The following SLC6A18 variants were observed in gnomAD, a reference collection of about 807,000 sequenced individuals.
SLC6A18 encodes inactive sodium-dependent neutral amino acid transporter B(0)AT3.
SLC6A18 carries 58 observed loss-of-function variants against 62.9 expected under a neutral mutation model. The observed-to-expected ratio is 0.92, with a 90% CI of 0.75 to 1.15. SLC6A18 has a LOEUF of 1.15. Among genes scored for constraint, SLC6A18 ranks in the 50% most tolerant of loss-of-function variants. The pLI is 0.00. For synonymous variants in SLC6A18, 382 were observed against 365.8 expected (o/e 1.04, Z -0.51); for missense variants, 793 against 836.6 (o/e 0.95, Z 0.64).
chr5:1,228,853 CAG>C (rs1746650553), intron 1 of SLC6A18, among the ~76,000 whole-genome samples: 1 of 152,220 alleles, frequency 6.6e-6, no homozygotes, highest in South Asian at 2.1e-4. Flanking sequence ...GCCTGGATGA[CAG>C]AGAAAGATGC....
rs75499032 is a variant in SLC6A18, at chr5:1,245,882, C to A, written c.1691C>A (p.Pro564Gln). The change falls in exon 12 of 12, where the codon CCG becomes CAG. Residue 564 changes from proline (P) to glutamine (Q), a missense_variant. Pro to Gln is a moderately conservative substitution (Grantham distance 76, BLOSUM62 -1). Coordinates refer to ENST00000324642, the MANE Select transcript of SLC6A18 (RefSeq NM_182632.3). ...LFPSRQEKLY[P>Q]GWARAACVLL... ...CCCTCGCGTCAGGAGAAGCTCTACC[C>A]GGGCTGGGCGCGCGCCGCCTGTGTG... The A allele has an allele frequency of 3.0e-3, 4,870 of 1,608,298 alleles. 129 individuals carry two copies. In the African/African-American group the frequency reaches 0.058, roughly 19 times the overall value.
At position 1,242,803 on chromosome 5, in the gene SLC6A18, G is replaced by A; in HGVS notation, c.1071G>A (p.Trp357Ter). ...PAVLMHLNAT[W>*]PKRVAQLPLK... Reference sequence around the variant, plus strand: ...TCCTCATGCACCTGAACGCCACCTGGCCCAAGAGGGTGGCCCAGCTCCCCC... The same window carrying A: ...TCCTCATGCACCTGAACGCCACCTGACCCAAGAGGGTGGCCCAGCTCCCCC... Residue 357 changes from tryptophan to a stop codon, truncating the protein, a stop_gained, in exon 8 of 12, where the codon TGG becomes TGA. Coordinates refer to ENST00000324642, the MANE Select transcript of SLC6A18 (RefSeq NM_182632.3). LOFTEE classifies it high-confidence loss of function. 1.2e-6 allele frequency: 2 copies of A among 1,613,898 alleles called. No individual in the cohort carries two copies. The highest frequency in any genetic ancestry group is 1.7e-6 in the Non-Finnish European group (2 of 1,179,862).
chr5:1,235,456 C>A (rs746637414), intron 3 of SLC6A18, 25 bp from the exon 4 acceptor site: 5 of 1,609,550 alleles, frequency 3.1e-6, no homozygotes, highest in Middle Eastern at 1.7e-4. Flanking sequence ...CCACAGCCAG[C>A]CTGTGACAGG....
rs1441025204 is a variant in SLC6A18 at position 1,235,618 on chromosome 5, G to GT, written c.578dup (p.Val194ArgfsTer10). 1 of 1,613,932 alleles carries GT rather than the reference G, an allele frequency of 6.2e-7. No individual in the cohort carries two copies. The highest frequency in any genetic ancestry group is 8.5e-7 in the Non-Finnish European group (1 of 1,180,042). Reference sequence around the variant, plus strand: ...CATCTGCTTGGCAGCCTCCTGGGCAGTCGTGTACATGTGTGTCATCAGGGG... The same window carrying GT: ...CATCTGCTTGGCAGCCTCCTGGGCAGTTCGTGTACATGTGTGTCATCAGGGG... On this transcript the variant is annotated frameshift_variant, in exon 4 of 12. Coordinates refer to ENST00000324642, the MANE Select transcript of SLC6A18 (RefSeq NM_182632.3). LOFTEE classifies it high-confidence loss of function.
rs769092943 is a variant in SLC6A18 at position 1,238,016 on chromosome 5, C to G, written c.688C>G (p.Leu230Val). Residue 230 changes from leucine (L) to valine (V), a missense_variant, in exon 5 of 12, where the codon CTG (leucine) becomes GTG (valine). Transcript: ENST00000324642. ...CATCTTTCTCATCAGAGGGCTGACC[C>G]TGCCAGGGGCAACAAAAGGACTCAT... Reference protein sequence around the residue: ...LTIFLIRGLTLPGATKGLIYL... With the variant: ...LTIFLIRGLTVPGATKGLIYL... 12 of 1,614,108 alleles carry G rather than the reference C, an allele frequency of 7.4e-6. No individual in the cohort carries two copies. The East Asian group carries it at 2.7e-4, about 36-fold the overall frequency.
intron 1 of SLC6A18, among the ~76,000 whole-genome samples, chr5:1,228,481 A>G (rs1746639142): frequency 6.6e-6 from 1 of 152,180 alleles, no homozygotes; most frequent in Non-Finnish European, 1.5e-5. Flanking sequence ...GCATTTGCTC[A>G]GTGGCTGCAC....
At chr5:1,233,749 A>ATTTTTTTTTTTTTTTTT (rs70957337) in intron 3 of SLC6A18, among the ~76,000 whole-genome samples, 1 of 138,634 alleles carries the variant, frequency 7.2e-6, no homozygotes, top group Non-Finnish European at 1.6e-5. Flanking sequence ...CACTCAGCTA[A>ATTTTTTTTTTTTTTTTT]TTTTTTTTTT....
intron 4 of SLC6A18, among the ~76,000 whole-genome samples, chr5:1,236,298 C>A (rs985811823): frequency 3.3e-5 from 5 of 152,184 alleles, no homozygotes; most frequent in African/African-American, 1.2e-4. Flanking sequence ...GATCTTGGGG[C>A]ATTCTATGGT....
Position 1,246,183 on chromosome 5 carries a change from A to C in SLC6A18, c.*105A>C. 1 of 1,381,622 alleles carries C rather than the reference A, an allele frequency of 7.2e-7. No individual in the cohort carries two copies. Among genetic ancestry groups the C allele is most frequent in the Non-Finnish European group, 9.6e-7 (1 of 1,047,054 alleles). The allele number at this position is 1,381,622 out of a possible 1,614,324, so 85.6% of individuals were successfully genotyped here. On this transcript the variant is annotated 3_prime_UTR_variant, in exon 12 of 12. Transcript: ENST00000324642. ...CCGACCCCAATACACCAGCGACTCA[A>C]CCTTGATGCCGCTGTGTACGTGTGG...
At position 1,245,966 on chromosome 5, in the gene SLC6A18, C is replaced by A. The variant is rs566277254; in HGVS notation, c.1775C>A (p.Thr592Asn). The A allele has an allele frequency of 9.4e-6, 15 of 1,601,528 alleles. No homozygotes were observed. The African/African-American group carries it at 1.7e-4, about 19-fold the overall frequency. Residue 592 changes from threonine to asparagine, a missense_variant, in exon 12 of 12, where the codon ACC becomes AAC. Thr to Asn is a moderately conservative substitution (Grantham distance 65). Transcript: ENST00000324642. ...VPVAALAQLL[T>N]RRRRTWRDRD... is the part of the protein sequence containing the mutation. Reference sequence around the variant, plus strand: ...GTGGCCGCGCTTGCTCAGCTGCTCACCCGGCGGAGGCGGACGTGGAGGGAC... The same window carrying A: ...GTGGCCGCGCTTGCTCAGCTGCTCAACCGGCGGAGGCGGACGTGGAGGGAC...
In SLC6A18 at chr5:1,232,860, C is replaced by T; in HGVS notation, c.411C>T (p.Ser137=). The change falls in exon 3 of 12, where the codon AGC becomes AGT. Residue 137 remains serine (S), a synonymous_variant. Coordinates refer to ENST00000324642, the MANE Select transcript of SLC6A18 (RefSeq NM_182632.3). ...LNSFQHPLPW[S]SCPPDLNRTG... is the part of the protein sequence containing the mutation. ...CCTTCCAGCACCCGCTGCCCTGGAG[C>T]TCCTGCCCACCGGACCTCAACAGAA... 1.2e-6 allele frequency: 2 copies of T among 1,612,890 alleles called. No homozygotes were observed. Among genetic ancestry groups the T allele is most frequent in the Non-Finnish European group, 1.7e-6 (2 of 1,179,820 alleles).
At chr5:1,233,945 G>A (rs1480473190) in intron 3 of SLC6A18, among the ~76,000 whole-genome samples, 5 of 152,110 alleles carry the variant, frequency 3.3e-5, no homozygotes, top group Non-Finnish European at 5.9e-5. Context: ...GTTTCACCAT[G>A]TTAGCCAGGA....
chr5:1,236,895 C>T (rs1168452641), intron 4 of SLC6A18, among the ~76,000 whole-genome samples: 1 of 152,076 alleles, frequency 6.6e-6, no homozygotes, highest in East Asian at 1.9e-4. Context: ...TTAGACAAAG[C>T]AGCCAGCCAG....
chr5:1,231,508 C>T (rs375535934), intron 1 of SLC6A18, among the ~76,000 whole-genome samples: 10 of 152,224 alleles, frequency 6.6e-5, no homozygotes, highest in African/African-American at 1.7e-4. Context: ...GACCGCCAGC[C>T]GCCCCGGGTT....
intron 6 of SLC6A18, 74 bp downstream of exon 6, chr5:1,239,636 C>A: frequency 1.7e-6 from 2 of 1,154,380 alleles, no homozygotes; most frequent in Non-Finnish European, 2.6e-6. Context: ...ATCTCAGGAT[C>A]ACACTGTGGA....
At position 1,243,600 on chromosome 5, in the gene SLC6A18, GAC is replaced by G. The variant is rs1561180991; in HGVS notation, c.1178_1179del (p.Asp393AlafsTer44). 1.2e-6 allele frequency: 2 copies of G among 1,613,988 alleles called. No individual in the cohort carries two copies. Among genetic ancestry groups the G allele is most frequent in the Non-Finnish European group, 1.7e-6 (2 of 1,179,998 alleles). On this transcript the variant is annotated frameshift_variant, in exon 9 of 12. Transcript: ENST00000324642. LOFTEE classifies it high-confidence loss of function. This position sits in a 1 kb window ranked among gnomAD's most constrained non-coding sequence, Gnocchi z 6.5. The part of the protein sequence containing the change: ...GLAFVVFTET[D>X]LHMPGAPVWA... ...GGCCTTCGTCGTCTTCACGGAGACC[GAC>G]CTCCACATGCCGGGGGCTCCTGTGT...
Position 1,242,702 on chromosome 5 carries a change from C to CAG in SLC6A18, c.975-5_975-4insAG, listed in dbSNP as rs753227789. 86 of 1,599,464 alleles carry CAG rather than the reference C, an allele frequency of 5.4e-5. No homozygotes were observed. In the African/African-American group the frequency reaches 9.3e-4, roughly 17 times the overall value. On this transcript the variant is annotated splice_region_variant and splice_polypyrimidine_tract_variant and intron_variant, in intron 7 of 11. Coordinates refer to ENST00000324642, the MANE Select transcript of SLC6A18 (RefSeq NM_182632.3). The stretch of plus-strand genomic sequence containing the variant: ...ATGAGCCCACAGTCCTCTCTGTCCC[C>CAG]GCAGAAACATCCTCAGCCTCATCAA...
Position 1,244,624 on chromosome 5 carries a change from G to C in SLC6A18, c.1513G>C (p.Ala505Pro). Residue 505 changes from alanine (A) to proline (P), a missense_variant, in exon 11 of 12, where the codon GCG becomes CCG. Transcript: ENST00000324642. ...CTGGTGCAGGTTCTGCGATGACATT[G>C]CGTGGATGACCGGGAGGCGGCCCAG... is the stretch of plus-strand genomic sequence containing the variant. ...YGMKRFCDDI[A>P]WMTGRRPSPY... 6.2e-7 allele frequency: 1 copy of C among 1,603,132 alleles called. No individual in the cohort carries two copies. Among genetic ancestry groups the C allele is most frequent in the Non-Finnish European group, 8.5e-7 (1 of 1,172,234 alleles).
chr5:1,231,622 C>T lies in SLC6A18; in HGVS notation c.161-597C>T, dbSNP rs181327864. On this transcript the variant is annotated intron_variant, in intron 1 of 11. Transcript: ENST00000324642. ...AAGCTCCAACAAGAGCAGCATGAAG[C>T]CGGGGAGCCAACAGGCGACCTCACA... is the stretch of plus-strand genomic sequence containing the variant. Among the ~76,000 whole-genome samples the T allele has an allele frequency of 5.3e-3, 811 of 152,306 alleles. 9 individuals carry two copies. Among genetic ancestry groups the T allele is most frequent in the African/African-American group, 0.019 (770 of 41,570 alleles).
Sources: gnomAD v4.1 joint callset for allele counts (sites outside exome capture counted in the v4.1 genomes callset) on GRCh38, gnomAD v4.1.1 for gene constraint, Gnocchi (gnomAD v3.1) non-coding constraint, MANE v1.5 for transcripts, NCBI Gene and HGNC (gene_info 2026-07-23, HGNC 2026-07-21) for gene names.